The following CSMD3 variants were observed in gnomAD, a reference collection of about 807,000 sequenced individuals.
CSMD3 encodes the protein CUB and Sushi multiple domains 3, also known as CUB and sushi domain-containing protein 3.
Under a neutral mutation model 435.2 loss-of-function variants are expected in CSMD3, and 177 were observed. That is an observed-to-expected ratio of 0.41 (90% confidence interval 0.36 to 0.46). CSMD3 has a LOEUF of 0.46. Among genes scored for constraint, CSMD3 ranks in the 20% least tolerant of loss-of-function variants. CSMD3 has a pLI of 0.34. For synonymous variants in CSMD3, 1,656 were observed against 1,520.5 expected (o/e 1.09, Z -2.07); for missense variants, 4,265 against 4,504.6 (o/e 0.95, Z 1.52).
intron 22 of CSMD3, among the ~76,000 whole-genome samples, chr8:112,628,851 G>T (rs759520661): frequency 6.6e-5 from 10 of 152,090 alleles, no homozygotes; most frequent in Non-Finnish European, 1.3e-4. Flanking sequence ...TGACTTTAAA[G>T]GATGAAGGGA....
chr8:113,233,856 C>A (rs911776879), intron 3 of CSMD3, among the ~76,000 whole-genome samples: 2 of 152,044 alleles, frequency 1.3e-5, no homozygotes, highest in Non-Finnish European at 2.9e-5. Flanking sequence ...CGGTTGCTGA[C>A]AGAAGACTCC....
chr8:113,138,825 G>GTGTGTGTGTGTGTC (rs1554787070), intron 4 of CSMD3, among the ~76,000 whole-genome samples: 9 of 150,770 alleles, frequency 6.0e-5, no homozygotes, highest in African/African-American at 2.2e-4. Context: ...GTGTGTGTGT[G>GTGTGTGTGTGTGTC]TGTGTGTGTG....
At chr8:112,528,686 G>A (rs1825226368) in intron 27 of CSMD3, among the ~76,000 whole-genome samples, 1 of 152,180 alleles carries the variant, frequency 6.6e-6, no homozygotes, top group South Asian at 2.1e-4. Flanking sequence ...TAAGTGAAAG[G>A]CTCCTGCAGC....
intron 13 of CSMD3, among the ~76,000 whole-genome samples, chr8:112,752,880 C>T (rs1419340199): frequency 1.3e-5 from 2 of 150,646 alleles, no homozygotes; most frequent in East Asian, 1.9e-4. Context: ...TTTTTCTAAG[C>T]CCTTCAGTAT....
intron 38 of CSMD3, among the ~76,000 whole-genome samples, chr8:112,369,926 T>C (rs189136805): frequency 6.9e-6 from 1 of 144,288 alleles, no homozygotes; most frequent in Non-Finnish European, 1.5e-5. Context: ...CACAATTTGC[T>C]ATTGCAAGAA....
intron 10 of CSMD3, among the ~76,000 whole-genome samples, chr8:112,884,160 A>C (rs552321035): frequency 6.6e-6 from 1 of 152,048 alleles, no homozygotes; most frequent in South Asian, 2.1e-4. Context: ...GCACTGAGCT[A>C]TTCAAGATGC....
chr8:113,204,828 G>A (rs186350854), intron 3 of CSMD3, among the ~76,000 whole-genome samples: 2 of 152,040 alleles, frequency 1.3e-5, no homozygotes, highest in East Asian at 1.9e-4. Context: ...AGATATACCC[G>A]AGACTGGGCA....
intron 24 of CSMD3, among the ~76,000 whole-genome samples, chr8:112,569,334 A>G (rs1829314310): frequency 1.3e-5 from 2 of 152,110 alleles, no homozygotes; most frequent in South Asian, 4.1e-4. Context: ...AGATCTACCT[A>G]CTTTCTCACT....
intron 64 of CSMD3, 78 bp downstream of exon 64, chr8:112,246,942 T>G: frequency 2.1e-6 from 2 of 944,758 alleles, no homozygotes; most frequent in Non-Finnish European, 3.4e-6. Context: ...TAGATGTAAA[T>G]GTATTTGAAT....
intron 9 of CSMD3, among the ~76,000 whole-genome samples, chr8:112,923,021 T>C (rs749046009): frequency 4.6e-5 from 7 of 152,134 alleles, no homozygotes; most frequent in Admixed American, 6.6e-5. Context: ...CTCATCTTTC[T>C]GTCTTGCATT....
intron 11 of CSMD3, among the ~76,000 whole-genome samples, chr8:112,854,994 T>C (rs1296785189): frequency 1.3e-5 from 2 of 152,166 alleles, no homozygotes; most frequent in African/African-American, 4.8e-5. Flanking sequence ...GTTTGAACTG[T>C]GATGTGATAA....
chr8:112,614,049 G>A (rs1351857736), intron 22 of CSMD3, among the ~76,000 whole-genome samples: 2 of 152,154 alleles, frequency 1.3e-5, no homozygotes, highest in Non-Finnish European at 2.9e-5. Context: ...AGAAAAGGAG[G>A]ATAGGAAGTA....
At chr8:112,555,721 AT>A (rs1828056099) in intron 25 of CSMD3, among the ~76,000 whole-genome samples, 1 of 151,988 alleles carries the variant, frequency 6.6e-6, no homozygotes, top group Non-Finnish European at 1.5e-5. Flanking sequence ...AATAACTAGA[AT>A]TTCATATTTT....
At chr8:112,689,300 A>G (rs887549312) in intron 14 of CSMD3, among the ~76,000 whole-genome samples, 16 of 152,086 alleles carry the variant, frequency 1.1e-4, no homozygotes, top group Non-Finnish European at 2.4e-4. Context: ...AATACAAATT[A>G]TACTTTTGCT....
intron 7 of CSMD3, among the ~76,000 whole-genome samples, chr8:112,971,543 T>A (rs1205067880): frequency 1.3e-5 from 2 of 152,200 alleles, no homozygotes; most frequent in Admixed American, 1.3e-4. Context: ...TGATGTAATA[T>A]TTTGATACTA....
At position 113,342,092 on chromosome 8, in the gene CSMD3, AC is replaced by A. The variant is rs975816713; in HGVS notation, c.179-27300del. Among the ~76,000 whole-genome samples the A allele has an allele frequency of 5.9e-5, 9 of 152,238 alleles. 1 individual carries two copies. Among genetic ancestry groups the A allele is most frequent in the Admixed American group, 5.9e-4 (9 of 15,272 alleles). ...TTAAAAGATTAAAAAGAAAAAAAAA[AC>A]AAGAAGAAAATTTTGATAAATTAAA... On this transcript the variant is annotated intron_variant, in intron 1 of 70. Coordinates refer to ENST00000297405, the MANE Select transcript of CSMD3 (RefSeq NM_198123.2).
rs561174094 is a variant in CSMD3 at position 112,276,413 on chromosome 8, A to C, written c.9508+4761T>G. ...ACAGTGACCCTCTTCTCACAGCTCC[A>C]CTAGGCAGTGCCTCAGTGCAGACTC... On this transcript the variant is annotated intron_variant, in intron 59 of 70. Transcript: ENST00000297405. Among the ~76,000 whole-genome samples, 10 of 152,306 alleles carry C rather than the reference A, an allele frequency of 6.6e-5. No individual in the cohort carries two copies. In the South Asian group the frequency reaches 1.9e-3, roughly 28 times the overall value.
intron 10 of CSMD3, among the ~76,000 whole-genome samples, chr8:112,893,768 C>A (rs536336052): frequency 3.3e-5 from 5 of 151,552 alleles, no homozygotes; most frequent in African/African-American, 9.6e-5. Context: ...AGTTTAGTTT[C>A]CTTACATGCA....
chr8:112,305,790 G>A (rs1821362325), intron 51 of CSMD3, among the ~76,000 whole-genome samples: 1 of 151,946 alleles, frequency 6.6e-6, no homozygotes, highest in African/African-American at 2.4e-5. Context: ...TGCCTTTTTT[G>A]ACATAAATAT....
Sources: allele counts gnomAD v4.1 joint callset (sites outside exome capture counted in the v4.1 genomes callset), GRCh38; gene constraint gnomAD v4.1.1; transcripts MANE v1.5; gene names NCBI Gene and HGNC (gene_info 2026-07-23, HGNC 2026-07-21).